Variants in ARK2C observed in about 807,000 individuals in gnomAD.
ARK2C encodes the protein arkadia (RNF111) C-terminal like ring finger ubiquitin ligase 2C, also known as E3 ubiquitin-protein ligase ARK2C.
the ARK2C span, among the ~76,000 whole-genome samples, chr18:46,411,785 C>A: frequency 6.6e-6 from 1 of 152,188 alleles, no homozygotes; most frequent in Admixed American, 6.5e-5. Flanking sequence ...CTCCAGCAAG[C>A]CAGATTCAGT....
chr18:46,345,193 C>A, the ARK2C span, among the ~76,000 whole-genome samples: 6 of 151,926 alleles, frequency 3.9e-5, no homozygotes, highest in African/African-American at 1.5e-4. Context: ...AGGAAGTTTG[C>A]GCCCGCTGGA....
chr18:46,387,635 G>C, the ARK2C span, among the ~76,000 whole-genome samples: 18,069 of 152,278 alleles, frequency 0.12, 1,215 homozygotes, highest in East Asian at 0.26. Flanking sequence ...TCCAGAGCTG[G>C]GCATACAGAC....
chr18:46,335,605 AATG>A, the ARK2C span: 1 of 149,948 alleles, frequency 6.7e-6, no homozygotes, highest in African/African-American at 2.5e-5. Context: ...TCATACACAG[AATG>A]ATGTCTTCCC....
chr18:46,392,838 C>G, the ARK2C span, among the ~76,000 whole-genome samples: 1 of 152,188 alleles, frequency 6.6e-6, no homozygotes. Context: ...GACAACACGC[C>G]TGGGTGGAGT....
At chr18:46,358,185 G>C in the ARK2C span, among the ~76,000 whole-genome samples, 7 of 152,176 alleles carry the variant, frequency 4.6e-5, no homozygotes, top group Admixed American at 4.6e-4. Flanking sequence ...AGTCATGCAG[G>C]CCTCATGAGC....
the ARK2C span, among the ~76,000 whole-genome samples, chr18:46,392,600 G>A: frequency 2.6e-5 from 4 of 152,150 alleles, no homozygotes; most frequent in Non-Finnish European, 4.4e-5. Context: ...GCCCTTGTCC[G>A]GGGTGATGGG....
the ARK2C span, among the ~76,000 whole-genome samples, chr18:46,444,874 A>G: frequency 1.3e-5 from 2 of 152,144 alleles, no homozygotes; most frequent in Non-Finnish European, 2.9e-5. Flanking sequence ...CCTATTTCAG[A>G]CATTGCATTT....
the ARK2C span, among the ~76,000 whole-genome samples, chr18:46,432,902 G>A: frequency 1.3e-5 from 2 of 152,264 alleles, no homozygotes; most frequent in Non-Finnish European, 2.9e-5. Flanking sequence ...CCGAGATCGC[G>A]CCACTGCACT....
chr18:46,369,751 G>A, the ARK2C span, among the ~76,000 whole-genome samples: 6 of 152,094 alleles, frequency 3.9e-5, no homozygotes, highest in Non-Finnish European at 7.4e-5. Context: ...CTCTCATCAC[G>A]CACACCCTTT....
At chr18:46,445,194 G>C in the ARK2C span, among the ~76,000 whole-genome samples, 2 of 152,090 alleles carry the variant, frequency 1.3e-5, no homozygotes, top group African/African-American at 4.8e-5. Flanking sequence ...GTTAGGCTTC[G>C]TTCTGGTAAG....
At chr18:46,457,556 C>T in the ARK2C span, 1 of 152,842 alleles carries the variant, frequency 6.5e-6, no homozygotes, top group Non-Finnish European at 1.5e-5. Context: ...CTTCATGGCC[C>T]CAGCTATATC....
the ARK2C span, among the ~76,000 whole-genome samples, chr18:46,439,357 C>G: frequency 6.6e-6 from 1 of 152,164 alleles, no homozygotes; most frequent in Non-Finnish European, 1.5e-5. Context: ...AGTTAGTGAT[C>G]AGGGCCTGCT....
chr18:46,351,541 A>G, the ARK2C span, among the ~76,000 whole-genome samples: 14 of 152,278 alleles, frequency 9.2e-5, no homozygotes, highest in African/African-American at 3.4e-4. Flanking sequence ...GTCCTCCCTC[A>G]GCAGCCCAGC....
the ARK2C span, among the ~76,000 whole-genome samples, chr18:46,397,575 TG>T: frequency 1.5e-5 from 1 of 65,296 alleles, no homozygotes; most frequent in Admixed American, 1.3e-4. Context: ...TGTGTGTGTG[TG>T]GTCATGCTGG....
At chr18:46,435,425 A>G in the ARK2C span, 2 of 1,504,450 alleles carry the variant, frequency 1.3e-6, no homozygotes, top group African/African-American at 1.4e-5. Flanking sequence ...TGGGGGAGGA[A>G]GGGAGGAAGG....
chr18:46,401,035 C>T, the ARK2C span, among the ~76,000 whole-genome samples: 1 of 152,146 alleles, frequency 6.6e-6, no homozygotes, highest in Non-Finnish European at 1.5e-5. Flanking sequence ...GGAGGCCAGA[C>T]CCCCTCCCCA....
the ARK2C span, among the ~76,000 whole-genome samples, chr18:46,397,668 G>T: frequency 7.3e-6 from 1 of 137,384 alleles, no homozygotes; most frequent in South Asian, 2.3e-4. Flanking sequence ...GGGCAGAATT[G>T]TGTGTGTGTG....
the ARK2C span, among the ~76,000 whole-genome samples, chr18:46,405,652 G>A: frequency 6.6e-6 from 1 of 152,178 alleles, no homozygotes; most frequent in Non-Finnish European, 1.5e-5. Context: ...TATAGCTTGA[G>A]GGGTAGGGTT....
chr18:46,436,001 C>T, the ARK2C span, among the ~76,000 whole-genome samples: 1 of 152,112 alleles, frequency 6.6e-6, no homozygotes, highest in African/African-American at 2.4e-5. Context: ...GCAATCTGCC[C>T]ATAATTTCCC....
Sources: gnomAD v4.1 joint callset for allele counts (sites outside exome capture counted in the v4.1 genomes callset) on GRCh38, gnomAD v4.1.1 for gene constraint, MANE v1.5 for transcripts, NCBI Gene and HGNC (gene_info 2026-07-23, HGNC 2026-07-21) for gene names.